The following B3GNT9 variants were observed in gnomAD, a reference collection of about 807,000 sequenced individuals.
B3GNT9 encodes the protein BGnT-9.
For missense variants in B3GNT9, 669 were observed against 599.2 expected (o/e 1.12, Z -1.22); for synonymous variants, 359 against 283.9 (o/e 1.26, Z -2.66).
Position 67,149,860 on chromosome 16 carries a change from A to C in B3GNT9, c.626T>G (p.Ile209Ser). Residue 209 changes from isoleucine (I) to serine (S), a missense_variant, in exon 2 of 2, where the codon ATC becomes AGC. Transcript: ENST00000449549. ...DTFFNLTLKE[I>S]HFLAWASAFC... ...AGCTGAGGCCCAGGCTAGAAAGTGG[A>C]TCTCCTTGAGCGTTAGGTTAAAAAA... 6.2e-7 allele frequency: 1 copy of C among 1,613,404 alleles called. No individual in the cohort carries two copies. Among genetic ancestry groups the C allele is most frequent in the Non-Finnish European group, 8.5e-7 (1 of 1,179,584 alleles).
rs921034211 is a variant in B3GNT9, at chr16:67,149,375, C to G, written c.1111G>C (p.Asp371His). Residue 371 changes from aspartate to histidine, a missense_variant, in exon 2 of 2, where the codon GAC (aspartate) becomes CAC (histidine). Transcript: ENST00000449549. ...LVVVHGLSAA[D>H]IWLMWRLLHG... ...AGCAGGCGCCACATAAGCCAGATGT[C>G]AGCGGCCGAGAGCCCGTGCACTACA... 1.9e-6 allele frequency: 3 copies of G among 1,602,420 alleles called. No individual in the cohort carries two copies. Among genetic ancestry groups the G allele is most frequent in the Non-Finnish European group, 2.6e-6 (3 of 1,174,794 alleles).
Position 67,150,277 on chromosome 16 carries a change from C to T in B3GNT9, c.209G>A (p.Gly70Glu), listed in dbSNP as rs199732607. The change falls in exon 2 of 2, where the codon GGG (glycine) becomes GAG (glutamate). Residue 70 changes from glycine to glutamate, a missense_variant. Coordinates refer to ENST00000449549, the MANE Select transcript of B3GNT9 (RefSeq NM_033309.3). Reference protein sequence around the residue: ...DAGAAPPAYEGDTPAPPTPTG... With the variant: ...DAGAAPPAYEEDTPAPPTPTG... ...AGGCGTGGGCGGCGCCGGTGTGTCC[C>T]CTTCGTAGGCCGGCGGGGCTGCACC... The T allele has an allele frequency of 3.8e-4, 557 of 1,452,294 alleles. 4 individuals are homozygous for T. In the African/African-American group the frequency reaches 6.8e-3, roughly 18 times the overall value. The allele number at this position is 1,452,294 out of a possible 1,614,324, so 90.0% of individuals were successfully genotyped here.
rs1180121900 is a variant in B3GNT9, at chr16:67,148,681, T to A, written c.*596A>T. Reference sequence around the variant, plus strand: ...CCAGTGGGAGACTGGCATTGTTGTGTGAGTTCAGGAGGTGAGGAAAGACTA... The same window carrying A: ...CCAGTGGGAGACTGGCATTGTTGTGAGAGTTCAGGAGGTGAGGAAAGACTA... On this transcript the variant is annotated 3_prime_UTR_variant, in exon 2 of 2. Coordinates refer to ENST00000449549, the MANE Select transcript of B3GNT9 (RefSeq NM_033309.3). 1 of 152,348 alleles carries A rather than the reference T, an allele frequency of 6.6e-6. No homozygotes were observed. The highest frequency in any genetic ancestry group is 2.4e-5 in the African/African-American group (1 of 41,558). 9.4% of individuals were successfully genotyped at this position (152,348 alleles called of 1,614,324 possible). A position where few individuals can be genotyped will look rare whatever the true frequency, so the allele number is the denominator to read the frequency against.
At position 67,149,182 on chromosome 16, in the gene B3GNT9, C is replaced by A; in HGVS notation, c.*95G>T. 6.9e-7 allele frequency: 1 copy of A among 1,452,088 alleles called. No homozygotes were observed. The highest frequency in any genetic ancestry group is 9.1e-7 in the Non-Finnish European group (1 of 1,103,456). 90.0% of individuals were successfully genotyped at this position (1,452,088 alleles called of 1,614,324 possible). On this transcript the variant is annotated 3_prime_UTR_variant, in exon 2 of 2. Coordinates refer to ENST00000449549, the MANE Select transcript of B3GNT9 (RefSeq NM_033309.3). ...CCCTGGGATCCTGTGGAGACAGGCA[C>A]CTGGTGATCAGGGAAGAACCACATA...
rs2145903522 is a variant in B3GNT9 at position 67,149,983 on chromosome 16, T to C, written c.503A>G (p.Asp168Gly). The C allele has an allele frequency of 6.5e-7, 1 of 1,538,932 alleles. No individual in the cohort carries two copies. Among genetic ancestry groups the C allele is most frequent in the Non-Finnish European group, 8.8e-7 (1 of 1,141,342 alleles). The part of the protein sequence containing the change: ...VPRGAGSGGA[D>G]EVGEGARTHW... ...GGTTCGCGCGCCCTCCCCAACTTCG[T>C]CGGCCCCGCCCGAGCCTGCGCCCCT... The change falls in exon 2 of 2, where the codon GAC (aspartate) becomes GGC (glycine). Residue 168 changes from aspartate (D) to glycine (G), a missense_variant. By Grantham distance (94) the Asp-to-Gly change is moderately conservative (BLOSUM62 -1). Transcript: ENST00000449549.
In B3GNT9 at chr16:67,148,884, T is replaced by C. The variant is rs2030331357; in HGVS notation, c.*393A>G. The C allele has an allele frequency of 6.4e-6, 1 of 156,436 alleles. No individual in the cohort carries two copies. The allele number at this position is 156,436 out of a possible 1,614,324, so 9.7% of individuals were successfully genotyped here. A position where few individuals can be genotyped will look rare whatever the true frequency, so the allele number is the denominator to read the frequency against. On this transcript the variant is annotated 3_prime_UTR_variant, in exon 2 of 2. Transcript: ENST00000449549. ...CGGCCGGAGCCCCTCCACCTCCCTG[T>C]GGGGCCTGGCCTTGAGAGCCTCTGC...
In B3GNT9 at chr16:67,149,225, A is replaced by T. The variant is rs2030347638; in HGVS notation, c.*52T>A. The T allele has an allele frequency of 2.7e-6, 4 of 1,502,816 alleles. No individual in the cohort carries two copies. The Admixed American group carries it at 9.4e-5, about 35-fold the overall frequency. The allele number at this position is 1,502,816 out of a possible 1,614,324, so 93.1% of individuals were successfully genotyped here. A position where few individuals can be genotyped will look rare whatever the true frequency, so the allele number is the denominator to read the frequency against. On this transcript the variant is annotated 3_prime_UTR_variant, in exon 2 of 2. Coordinates refer to ENST00000449549, the MANE Select transcript of B3GNT9 (RefSeq NM_033309.3). ...ACCACATACACGGCAATAATCTGGG[A>T]AACCGGCTCCATTCTGGGTCTGAGT...
In B3GNT9 at chr16:67,150,002, C is replaced by A; in HGVS notation, c.484G>T (p.Ala162Ser). 6 of 1,529,156 alleles carry A rather than the reference C, an allele frequency of 3.9e-6. No homozygotes were observed. Among genetic ancestry groups the A allele is most frequent in the Non-Finnish European group, 5.3e-6 (6 of 1,137,770 alleles). The allele number at this position is 1,529,156 out of a possible 1,614,324, so 94.7% of individuals were successfully genotyped here. ...RVFLLGVPRG[A>S]GSGGADEVGE... ...ACTTCGTCGGCCCCGCCCGAGCCTG[C>A]GCCCCTGGGCACGCCCAGCAAGAAC... The change falls in exon 2 of 2, where the codon GCA (alanine) becomes TCA (serine). Residue 162 changes from alanine to serine, a missense_variant. Physicochemically the swap from Ala to Ser is moderately conservative, Grantham distance 99. Coordinates refer to ENST00000449549, the MANE Select transcript of B3GNT9 (RefSeq NM_033309.3).
chr16:67,148,160 A>G lies in B3GNT9; in HGVS notation c.*1117T>C, dbSNP rs1456901784. The G allele has an allele frequency of 6.5e-6, 1 of 152,686 alleles. No homozygotes were observed. The highest frequency in any genetic ancestry group is 2.4e-5 in the African/African-American group (1 of 41,462). 9.5% of individuals were successfully genotyped at this position (152,686 alleles called of 1,614,324 possible). On this transcript the variant is annotated 3_prime_UTR_variant, in exon 2 of 2. Coordinates refer to ENST00000449549, the MANE Select transcript of B3GNT9 (RefSeq NM_033309.3). ...AGCAACTTGTGATACATAGATGACA[A>G]TTTTGTGAGTTTTTCAAATGTGTGT... is the stretch of plus-strand genomic sequence containing the variant.
At position 67,149,456 on chromosome 16, in the gene B3GNT9, G is replaced by T. The variant is rs1360633844; in HGVS notation, c.1030C>A (p.Pro344Thr). The T allele has an allele frequency of 4.4e-6, 7 of 1,607,502 alleles. No individual in the cohort carries two copies. The highest frequency in any genetic ancestry group is 5.9e-6 in the Non-Finnish European group (7 of 1,177,008). Residue 344 changes from proline to threonine, a missense_variant, in exon 2 of 2, where the codon CCT (proline) becomes ACT (threonine). Transcript: ENST00000449549. ...GTGCTCAAATGCGGCGCGGCTGAAG[G>T]CTGGGGGATGCCAAAGGTGCGGAAG... ...PAFRTFGIPQ[P>T]SAAPHLSTFD... is the part of the protein sequence containing the mutation.
Position 67,150,495 on chromosome 16 carries a change from G to T in B3GNT9, c.-10C>A. On this transcript the variant is annotated 5_prime_UTR_variant, in exon 2 of 2. Coordinates refer to ENST00000449549, the MANE Select transcript of B3GNT9 (RefSeq NM_033309.3). ...GCAGCCTCCTCCTCATCTCCGCGCG[G>T]CCTGCGCCCTCCCTCCCCTGTAAGG... is the stretch of plus-strand genomic sequence containing the variant. The T allele has an allele frequency of 7.7e-7, 1 of 1,296,912 alleles. No individual in the cohort carries two copies. 80.3% of individuals were successfully genotyped at this position (1,296,912 alleles called of 1,614,324 possible).
Position 67,148,962 on chromosome 16 carries a change from C to T in B3GNT9, c.*315G>A. The T allele has an allele frequency of 3.6e-6, 1 of 280,322 alleles. No homozygotes were observed. Among genetic ancestry groups the T allele is most frequent in the Non-Finnish European group, 6.4e-6 (1 of 157,230 alleles). The allele number at this position is 280,322 out of a possible 1,614,324, so 17.4% of individuals were successfully genotyped here. ...CAAATCCAGCAGAGTGGTAGGATTCCCTAAGTCCCTGCCACCACACCAGAA... is the reference window on the plus strand; with the variant it reads ...CAAATCCAGCAGAGTGGTAGGATTCTCTAAGTCCCTGCCACCACACCAGAA... On this transcript the variant is annotated 3_prime_UTR_variant, in exon 2 of 2. Coordinates refer to ENST00000449549, the MANE Select transcript of B3GNT9 (RefSeq NM_033309.3).
Position 67,149,683 on chromosome 16 carries a change from G to A in B3GNT9, c.803C>T (p.Ala268Val). 1.2e-6 allele frequency: 2 copies of A among 1,610,908 alleles called. No homozygotes were observed. The highest frequency in any genetic ancestry group is 1.7e-6 in the Non-Finnish European group (2 of 1,178,656). The stretch of plus-strand genomic sequence containing the variant: ...GGCCTCGGGGATGTAGTACTTGCTA[G>A]CCCGCGTGCGGATGGGCCGCGCATG... ...IVHARPIRTR[A>V]SKYYIPEAVY... is the part of the protein sequence containing the mutation. Residue 268 changes from alanine (A) to valine (V), a missense_variant, in exon 2 of 2, where the codon GCT becomes GTT. Ala to Val is a moderately conservative substitution (Grantham distance 64, BLOSUM62 0). Coordinates refer to ENST00000449549, the MANE Select transcript of B3GNT9 (RefSeq NM_033309.3).
rs1291324871 is a variant in B3GNT9, at chr16:67,149,146, T to TA, written c.*130dup. ...AGGGTGGACCGCCAGGAGCCAAGCT[T>TA]AACCCCCATCCCCTGGGATCCTGTG... On this transcript the variant is annotated 3_prime_UTR_variant, in exon 2 of 2. Transcript: ENST00000449549. 7.0e-7 allele frequency: 1 copy of TA among 1,421,440 alleles called. No individual in the cohort carries two copies. The highest frequency in any genetic ancestry group is 9.2e-7 in the Non-Finnish European group (1 of 1,087,304). The allele number at this position is 1,421,440 out of a possible 1,614,324, so 88.1% of individuals were successfully genotyped here. A position where few individuals can be genotyped will look rare whatever the true frequency, so the allele number is the denominator to read the frequency against.
At position 67,149,786 on chromosome 16, in the gene B3GNT9, C is replaced by T. The variant is rs2030386952; in HGVS notation, c.700G>A (p.Val234Met). The change falls in exon 2 of 2, where the codon GTG becomes ATG. Residue 234 changes from valine to methionine, a missense_variant. By Grantham distance (21) the Val-to-Met change is conservative (BLOSUM62 1). Transcript: ENST00000449549. Reference sequence around the variant, plus strand: ...AACTCCAGGAGATTTCCCACGTTCACGAACACATCTGCGTCGCCCTTAAAA... The same window carrying T: ...AACTCCAGGAGATTTCCCACGTTCATGAACACATCTGCGTCGCCCTTAAAA... Reference protein sequence around the residue: ...FVFKGDADVFVNVGNLLEFLA... With the variant: ...FVFKGDADVFMNVGNLLEFLA... 6.2e-7 allele frequency: 1 copy of T among 1,613,902 alleles called. No individual in the cohort carries two copies. The highest frequency in any genetic ancestry group is 8.5e-7 in the Non-Finnish European group (1 of 1,179,820).
Position 67,148,820 on chromosome 16 carries a change from T to TCATTAAAAAA in B3GNT9, c.*456_*457insTTTTTTAATG. On this transcript the variant is annotated 3_prime_UTR_variant, in exon 2 of 2. Transcript: ENST00000449549. Reference sequence around the variant, plus strand: ...ATAATATCTGTTTTCAGATGAGCTATGGCAAAGTGCCTGCCAGGTTCATGA... The same window carrying TCATTAAAAAA: ...ATAATATCTGTTTTCAGATGAGCTATCATTAAAAAAGGCAAAGTGCCTGCCAGGTTCATGA... 1 of 156,520 alleles carries TCATTAAAAAA rather than the reference T, an allele frequency of 6.4e-6. No homozygotes were observed. The highest frequency in any genetic ancestry group is 1.4e-5 in the Non-Finnish European group (1 of 71,136). 9.7% of individuals were successfully genotyped at this position (156,520 alleles called of 1,614,324 possible).
Position 67,149,574 on chromosome 16 carries a change from G to A in B3GNT9, c.912C>T (p.Gly304=), listed in dbSNP as rs754268359. ...LSGATLHRLA[G]ACAQVELFPI... is the part of the protein sequence containing the mutation. ...GGAAGAGCTCGACCTGCGCACAGGC[G>A]CCAGCCAGGCGGTGCAGCGTGGCCC... Residue 304 remains glycine (G), a synonymous_variant, in exon 2 of 2, where the codon GGC becomes GGT. Coordinates refer to ENST00000449549, the MANE Select transcript of B3GNT9 (RefSeq NM_033309.3). 1.9e-5 allele frequency: 30 copies of A among 1,604,464 alleles called. No individual in the cohort carries two copies. The highest frequency in any genetic ancestry group is 2.6e-5 in the Non-Finnish European group (30 of 1,175,954).
Position 67,150,274 on chromosome 16 carries a change from T to TC in B3GNT9, c.211dup (p.Asp71GlyfsTer13). ...CGTAGGCGTGGGCGGCGCCGGTGTG[T>TC]CCCCTTCGTAGGCCGGCGGGGCTGC... On this transcript the variant is annotated frameshift_variant, in exon 2 of 2. Coordinates refer to ENST00000449549, the MANE Select transcript of B3GNT9 (RefSeq NM_033309.3). LOFTEE classifies it low-confidence loss of function (END_TRUNC). The TC allele has an allele frequency of 1.4e-6, 2 of 1,462,470 alleles. No individual in the cohort carries two copies. The highest frequency in any genetic ancestry group is 1.8e-6 in the Non-Finnish European group (2 of 1,103,638). The allele number at this position is 1,462,470 out of a possible 1,614,324, so 90.6% of individuals were successfully genotyped here. A position where few individuals can be genotyped will look rare whatever the true frequency, so the allele number is the denominator to read the frequency against.
In B3GNT9 at chr16:67,149,853, A is replaced by G. The variant is rs1329076552; in HGVS notation, c.633T>C (p.Phe211=). 1.9e-6 allele frequency: 3 copies of G among 1,613,576 alleles called. No individual in the cohort carries two copies. Among genetic ancestry groups the G allele is most frequent in the East Asian group, 2.2e-5 (1 of 44,854 alleles). ...FFNLTLKEIH[F]LAWASAFCPD... Reference sequence around the variant, plus strand: ...GGCAGAAAGCTGAGGCCCAGGCTAGAAAGTGGATCTCCTTGAGCGTTAGGT... The same window carrying G: ...GGCAGAAAGCTGAGGCCCAGGCTAGGAAGTGGATCTCCTTGAGCGTTAGGT... The change falls in exon 2 of 2, where the codon TTT becomes TTC. Residue 211 remains phenylalanine, a synonymous_variant. Coordinates refer to ENST00000449549, the MANE Select transcript of B3GNT9 (RefSeq NM_033309.3).
Sources: allele counts gnomAD v4.1 joint callset, GRCh38; gene constraint gnomAD v4.1.1; transcripts MANE v1.5; gene names NCBI Gene and HGNC (gene_info 2026-07-23, HGNC 2026-07-21).